The following CSNK2A2IP variants were observed in gnomAD, a reference collection of about 807,000 sequenced individuals.
CSNK2A2IP encodes the protein casein kinase II subunit alpha'-interacting protein.
the CSNK2A2IP span, among the ~76,000 whole-genome samples, chr3:88,349,021 T>G: frequency 1.3e-5 from 2 of 152,124 alleles, no homozygotes; most frequent in Admixed American, 6.6e-5. Flanking sequence ...CAGGCTCTAT[T>G]TCTTCAAACC....
chr3:88,351,337 A>G, the CSNK2A2IP span, among the ~76,000 whole-genome samples: 194 of 152,258 alleles, frequency 1.3e-3, 2 homozygotes, highest in African/African-American at 4.3e-3. Flanking sequence ...TGTTAGATAA[A>G]TACATCTGTT....
chr3:88,451,674 T>C, the CSNK2A2IP span, among the ~76,000 whole-genome samples: 2 of 151,842 alleles, frequency 1.3e-5, no homozygotes, highest in Non-Finnish European at 2.9e-5. Context: ...CCTTCTCTTC[T>C]TCCTTCCAAC....
the CSNK2A2IP span, among the ~76,000 whole-genome samples, chr3:88,353,421 G>T: frequency 6.6e-6 from 1 of 152,168 alleles, no homozygotes; most frequent in East Asian, 1.9e-4. Context: ...ATATGAATTT[G>T]TTACTTGCTT....
chr3:88,419,662 G>A, the CSNK2A2IP span, among the ~76,000 whole-genome samples: 1 of 152,062 alleles, frequency 6.6e-6, no homozygotes, highest in African/African-American at 2.4e-5. Context: ...TCTGTTTCAA[G>A]TTCTTTGAGA....
the CSNK2A2IP span, among the ~76,000 whole-genome samples, chr3:88,444,895 T>C: frequency 6.6e-6 from 1 of 152,214 alleles, no homozygotes; most frequent in East Asian, 1.9e-4. Context: ...GCACAGCTGC[T>C]TTCTAGAGAC....
the CSNK2A2IP span, among the ~76,000 whole-genome samples, chr3:88,400,897 G>C: frequency 6.6e-6 from 1 of 152,174 alleles, no homozygotes; most frequent in African/African-American, 2.4e-5. Context: ...TCATGATGCA[G>C]AGGGAGAAAA....
the CSNK2A2IP span, among the ~76,000 whole-genome samples, chr3:88,338,861 A>G: frequency 6.6e-6 from 1 of 152,082 alleles, no homozygotes; most frequent in African/African-American, 2.4e-5. Flanking sequence ...GCTGTAAATA[A>G]ACTAAAAGCA....
the CSNK2A2IP span, among the ~76,000 whole-genome samples, chr3:88,369,355 T>A: frequency 2.0e-5 from 3 of 151,926 alleles, no homozygotes; most frequent in Non-Finnish European, 4.4e-5. Flanking sequence ...TTCAGACTAT[T>A]TTTCTTGCAG....
the CSNK2A2IP span, among the ~76,000 whole-genome samples, chr3:88,445,275 CA>C: frequency 0.013 from 638 of 47,752 alleles, 6 homozygotes; most frequent in African/African-American, 0.04. Flanking sequence ...GTAAAAATAC[CA>C]AAAAAAAAAA....
chr3:88,427,375 G>A, the CSNK2A2IP span, among the ~76,000 whole-genome samples: 1 of 152,178 alleles, frequency 6.6e-6, no homozygotes, highest in African/African-American at 2.4e-5. Flanking sequence ...CAATAGGAAA[G>A]AAAAACCCAT....
the CSNK2A2IP span, among the ~76,000 whole-genome samples, chr3:88,407,224 C>G: frequency 1.2e-4 from 18 of 147,388 alleles, 1 homozygote; most frequent in East Asian, 8.0e-4. Flanking sequence ...CCAGGTATTA[C>G]CTGGCATTGT....
the CSNK2A2IP span, among the ~76,000 whole-genome samples, chr3:88,443,903 T>A: frequency 4.8e-5 from 7 of 147,078 alleles, no homozygotes; most frequent in Middle Eastern, 3.5e-3. Context: ...AAAAAAAAAA[T>A]AAAAGTGTAA....
At chr3:88,452,192 T>TTA in the CSNK2A2IP span, among the ~76,000 whole-genome samples, 3 of 151,712 alleles carry the variant, frequency 2.0e-5, no homozygotes, top group Non-Finnish European at 4.4e-5. Flanking sequence ...TTTTTTTTTT[T>TTA]ACTTCCTCTG....
At chr3:88,448,084 A>G in the CSNK2A2IP span, among the ~76,000 whole-genome samples, 126 of 152,290 alleles carry the variant, frequency 8.3e-4, 2 homozygotes, top group East Asian at 0.02. Flanking sequence ...CCAGTGTCTC[A>G]ATAAGGAACC....
At chr3:88,341,461 C>A in the CSNK2A2IP span, among the ~76,000 whole-genome samples, 1 of 151,264 alleles carries the variant, frequency 6.6e-6, no homozygotes, top group African/African-American at 2.4e-5. Context: ...TGACATGTAA[C>A]TTTAGGTAAG....
At chr3:88,419,354 A>G in the CSNK2A2IP span, among the ~76,000 whole-genome samples, 3 of 152,074 alleles carry the variant, frequency 2.0e-5, no homozygotes, top group Admixed American at 1.3e-4. Flanking sequence ...AGAACATGCA[A>G]TATTTGATTT....
At chr3:88,359,186 A>G in the CSNK2A2IP span, among the ~76,000 whole-genome samples, 1 of 151,758 alleles carries the variant, frequency 6.6e-6, no homozygotes. Flanking sequence ...GTTGCTCATA[A>G]TAGTCTCTAT....
At chr3:88,389,810 G>A in the CSNK2A2IP span, among the ~76,000 whole-genome samples, 2 of 148,552 alleles carry the variant, frequency 1.3e-5, no homozygotes, top group Admixed American at 6.8e-5. Context: ...GAAGTAAAGA[G>A]ACTAAAAACC....
chr3:88,448,065 C>A, the CSNK2A2IP span, among the ~76,000 whole-genome samples: 18 of 152,230 alleles, frequency 1.2e-4, no homozygotes, highest in African/African-American at 3.9e-4. Context: ...TCCGCATTTC[C>A]GGTACTTACC....
Sources: gnomAD v4.1 joint callset for allele counts (sites outside exome capture counted in the v4.1 genomes callset) on GRCh38, gnomAD v4.1.1 for gene constraint, MANE v1.5 for transcripts, NCBI Gene and HGNC (gene_info 2026-07-23, HGNC 2026-07-21) for gene names.